SPEG: variants seen among roughly 807,000 people sequenced by gnomAD.
SPEG encodes the protein striated muscle enriched protein kinase.
In SPEG, 114 loss-of-function variants were observed where a neutral mutation model predicts 300.4. The observed-to-expected ratio is 0.38, with a 90% CI of 0.33 to 0.44. The LOEUF (loss-of-function observed/expected upper bound fraction) is 0.44, where lower values mean the gene tolerates loss of function less well. SPEG is among the 20% of genes least tolerant of loss of function. The probability of loss-of-function intolerance (pLI) is 1.00; values close to 1 mark genes in which losing one functional copy is unlikely to be tolerated. For synonymous variants in SPEG, 1,964 were observed against 2,018.9 expected (o/e 0.97, Z 0.73); for missense variants, 4,201 against 4,586.2 (o/e 0.92, Z 2.43).
intron 6 of SPEG, among the ~76,000 whole-genome samples, chr2:219,453,212 G>A (rs1689905872): frequency 6.6e-6 from 1 of 152,242 alleles, no homozygotes; most frequent in South Asian, 2.1e-4. Flanking sequence ...TACTGGCTCA[G>A]GGCCATTTGG....
At chr2:219,463,601 C>A (rs1157731260) in intron 8 of SPEG, among the ~76,000 whole-genome samples, 1 of 151,016 alleles carries the variant, frequency 6.6e-6, no homozygotes, top group Non-Finnish European at 1.5e-5. Flanking sequence ...TTTGTAGAGG[C>A]AGGGTTTCTG....
At chr2:219,470,862 C>A (rs767480668) in intron 13 of SPEG, among the ~76,000 whole-genome samples, 1 of 152,096 alleles carries the variant, frequency 6.6e-6, no homozygotes, top group African/African-American at 2.4e-5. Flanking sequence ...CAAGGATTCA[C>A]GAGGGGGAAA....
intron 13 of SPEG, among the ~76,000 whole-genome samples, chr2:219,469,907 A>G (rs1003692165): frequency 2.0e-5 from 3 of 152,172 alleles, no homozygotes; most frequent in Admixed American, 6.5e-5. Flanking sequence ...GCTAACAAAT[A>G]GCAAATAACG....
At chr2:219,441,761 G>C (rs914013695) in intron 1 of SPEG, among the ~76,000 whole-genome samples, 1 of 152,008 alleles carries the variant, frequency 6.6e-6, no homozygotes, top group African/African-American at 2.4e-5. Flanking sequence ...TGGTCGTGTA[G>C]GGAGGCAGGT....
intron 10 of SPEG, among the ~76,000 whole-genome samples, chr2:219,468,112 A>G (rs1575119814): frequency 6.6e-6 from 1 of 152,302 alleles, no homozygotes; most frequent in Non-Finnish European, 1.5e-5. Flanking sequence ...CTCCTCCAGA[A>G]GCTTCTTTGA....
At chr2:219,436,193 TG>T (rs1954714469) in intron 1 of SPEG, among the ~76,000 whole-genome samples, 3 of 152,142 alleles carry the variant, frequency 2.0e-5, no homozygotes, top group Admixed American at 2.0e-4. Context: ...GATTTCCAGG[TG>T]CAGTGTGAAG....
intron 29 of SPEG, 108 bp from the exon 30 acceptor site, chr2:219,482,990 C>T (rs988940503): frequency 7.7e-6 from 11 of 1,435,580 alleles, no homozygotes; most frequent in African/African-American, 1.4e-5. Context: ...CTGCCTGTTC[C>T]CTGACCCTCT....
rs746661931 is a variant in SPEG at position 219,489,101 on chromosome 2, TACA to T, written c.8200_8202del (p.Asn2734del). On this transcript the variant is annotated inframe_deletion, in exon 35 of 41. Coordinates refer to ENST00000312358, the MANE Select transcript of SPEG (RefSeq NM_005876.5). ...GAGCTCAGGCATCCCCGACTGTTAC[TACA>T]ACGTGACCCACCTGCCAGTTGGCGT... is the stretch of plus-strand genomic sequence containing the variant. 1.1e-5 allele frequency: 17 copies of T among 1,613,828 alleles called. No homozygotes were observed. Among genetic ancestry groups the T allele is most frequent in the African/African-American group, 2.7e-5 (2 of 74,864 alleles).
At chr2:219,442,975 C>G in intron 1 of SPEG, 1 of 738,490 alleles carries the variant, frequency 1.4e-6, no homozygotes, top group Non-Finnish European at 2.3e-6. Context: ...TGGGTCTCTG[C>G]CCACCTCCCC....
At chr2:219,485,760 G>A (rs1469541701) in intron 31 of SPEG, among the ~76,000 whole-genome samples, 1 of 152,228 alleles carries the variant, frequency 6.6e-6, no homozygotes, top group Non-Finnish European at 1.5e-5. Context: ...GCTTAGTGAT[G>A]CTAAGGATCT....
rs544543164 is a variant in SPEG, at chr2:219,443,975, C to T, written c.389-678C>T. 21 of 1,346,038 alleles carry T rather than the reference C, an allele frequency of 1.6e-5. No homozygotes were observed. Among genetic ancestry groups the T allele is most frequent in the Admixed American group, 4.0e-5 (2 of 50,576 alleles). 83.4% of individuals were successfully genotyped at this position (1,346,038 alleles called of 1,614,324 possible). On this transcript the variant is annotated intron_variant, in intron 1 of 40. Coordinates refer to ENST00000312358, the MANE Select transcript of SPEG (RefSeq NM_005876.5). The surrounding 1 kb of genome is among the most constrained non-coding windows in gnomAD (Gnocchi z 4.6). ...TGCCCTCCATGCCCTGCCCCACAAA[C>T]GCTCTGATAACAGTCTGTCCCTGTC...
At chr2:219,475,870 C>G (rs941609300) in intron 18 of SPEG, among the ~76,000 whole-genome samples, 1 of 152,212 alleles carries the variant, frequency 6.6e-6, no homozygotes, top group Non-Finnish European at 1.5e-5. Context: ...CCTTCCTCCA[C>G]GTCAACCTCA....
chr2:219,471,106 C>T (rs1177916105), intron 13 of SPEG, among the ~76,000 whole-genome samples: 1 of 151,768 alleles, frequency 6.6e-6, no homozygotes, highest in African/African-American at 2.4e-5. Flanking sequence ...CATCGATGTG[C>T]AGGCGAGAGG....
chr2:219,445,207 G>T lies in SPEG; in HGVS notation c.815+46G>T. The T allele has an allele frequency of 1.3e-6, 2 of 1,490,020 alleles. No homozygotes were observed. The highest frequency in any genetic ancestry group is 2.4e-5 in the South Asian group (2 of 82,816). 92.3% of individuals were successfully genotyped at this position (1,490,020 alleles called of 1,614,324 possible). A position where few individuals can be genotyped will look rare whatever the true frequency, so the allele number is the denominator to read the frequency against. ...GGCCTGAACTGCCCCATCTCACCACGCTGTCCTGCGCTGCCCTCACTGCTC... is the reference window on the plus strand; with the variant it reads ...GGCCTGAACTGCCCCATCTCACCACTCTGTCCTGCGCTGCCCTCACTGCTC... On this transcript the variant is annotated intron_variant, in intron 3 of 40. Coordinates refer to ENST00000312358, the MANE Select transcript of SPEG (RefSeq NM_005876.5). This position sits in a 1 kb window ranked among gnomAD's most constrained non-coding sequence, Gnocchi z 6.1.
intron 36 of SPEG, 107 bp from the exon 37 acceptor site, chr2:219,490,302 C>T: frequency 6.9e-7 from 1 of 1,456,310 alleles, no homozygotes; most frequent in Non-Finnish European, 9.2e-7. Flanking sequence ...ACTGGAACCA[C>T]TGCATTCTTG....
chr2:219,476,443 G>C (rs569199493), intron 18 of SPEG, among the ~76,000 whole-genome samples: 58 of 152,280 alleles, frequency 3.8e-4, no homozygotes, highest in Middle Eastern at 3.4e-3. Flanking sequence ...CCACCCACAG[G>C]GGGCAGCATT....
chr2:219,466,549 A>C (rs1360611464), intron 9 of SPEG: 3 of 1,060,286 alleles, frequency 2.8e-6, no homozygotes, highest in Non-Finnish European at 3.4e-6. Context: ...CAAAGGCCTT[A>C]CCAGGAAGGG....
rs1460207303 is a variant in SPEG, at chr2:219,435,272, G to T, written c.295G>T (p.Gly99Trp). 6.7e-6 allele frequency: 10 copies of T among 1,495,758 alleles called. No homozygotes were observed. Among genetic ancestry groups the T allele is most frequent in the South Asian group, 1.2e-5 (1 of 80,324 alleles). 92.7% of individuals were successfully genotyped at this position (1,495,758 alleles called of 1,614,324 possible). ...EPSCLWLRRC[G>W]AQDAGVYSCM... ...CAGCTGCCTGTGGCTGCGGCGCTGCGGGGCGCAGGACGCCGGCGTGTACAG... is the reference window on the plus strand; with the variant it reads ...CAGCTGCCTGTGGCTGCGGCGCTGCTGGGCGCAGGACGCCGGCGTGTACAG... Residue 99 changes from glycine to tryptophan, a missense_variant, in exon 1 of 41, where the codon GGG becomes TGG. By Grantham distance (184) the Gly-to-Trp change is radical. Around this residue, in one of 4 missense-constraint regions of SPEG, gnomAD observed 1,258 missense variants for 1,293.9 expected, o/e 0.97. Coordinates refer to ENST00000312358, the MANE Select transcript of SPEG (RefSeq NM_005876.5).
intron 3 of SPEG, among the ~76,000 whole-genome samples, chr2:219,447,371 C>G (rs1045630349): frequency 2.6e-5 from 4 of 152,082 alleles, no homozygotes; most frequent in African/African-American, 4.8e-5. Flanking sequence ...CATCAGTGCT[C>G]GGGGTGGCGG....
Sources: gnomAD v4.1 joint callset for allele counts (sites outside exome capture counted in the v4.1 genomes callset) on GRCh38, gnomAD v4.1.1 for gene constraint, gnomAD v4.1.1 regional missense constraint, Gnocchi (gnomAD v3.1) non-coding constraint, MANE v1.5 for transcripts, NCBI Gene and HGNC (gene_info 2026-07-23, HGNC 2026-07-21) for gene names.